Variants in ADARB2 observed in about 807,000 individuals in gnomAD.
The protein encoded by ADARB2 is inactive double-stranded RNA-specific editase B2.
In ADARB2, 25 loss-of-function variants were observed where a neutral mutation model predicts 62.2. That is an observed-to-expected ratio of 0.40 (90% CI 0.29 to 0.56). ADARB2 has a LOEUF of 0.56. Among genes scored for constraint, ADARB2 ranks in the 20% least tolerant of loss-of-function variants. The probability of loss-of-function intolerance (pLI) is 0.43; values close to 1 mark genes in which losing one functional copy is unlikely to be tolerated. For synonymous variants in ADARB2, 572 were observed against 500.8 expected (o/e 1.14, Z -1.90); for missense variants, 1,071 against 1,077.4 (o/e 0.99, Z 0.08).
chr10:1,449,761 C>T (rs180940874), intron 1 of ADARB2, among the ~76,000 whole-genome samples: 47 of 152,264 alleles, frequency 3.1e-4, no homozygotes, highest in African/African-American at 9.1e-4. Context: ...AAATATAGGC[C>T]GTATCTCCAG....
intron 4 of ADARB2, among the ~76,000 whole-genome samples, chr10:1,244,975 G>A (rs1198843711): frequency 6.6e-6 from 1 of 152,236 alleles, no homozygotes; most frequent in African/African-American, 2.4e-5. Flanking sequence ...GACGCCTTGA[G>A]TACCACCCTG....
chr10:1,330,495 A>G (rs1831918968), intron 3 of ADARB2, among the ~76,000 whole-genome samples: 2 of 152,250 alleles, frequency 1.3e-5, no homozygotes, highest in Non-Finnish European at 2.9e-5. Flanking sequence ...AACAGCATCT[A>G]CAAAACTCCC....
chr10:1,206,449 G>A (rs947039431), intron 7 of ADARB2, among the ~76,000 whole-genome samples: 2 of 148,872 alleles, frequency 1.3e-5, no homozygotes, highest in African/African-American at 4.9e-5. Flanking sequence ...CAACTGGGGC[G>A]TCTCCTCCTC....
rs191844340 is a variant in ADARB2 at position 1,504,204 on chromosome 10, C to A, written c.101-125044G>T. Among the ~76,000 whole-genome samples, 205 of 152,306 alleles carry A rather than the reference C, an allele frequency of 1.3e-3. 1 individual carries two copies. The highest frequency in any genetic ancestry group is 7.1e-4 in the Non-Finnish European group (48 of 68,012). ...TCTGCAGCTCCAACCCCCTTTAAAT[C>A]CCTCAACACGGAGCCCATCGCTTCC... On this transcript the variant is annotated intron_variant, in intron 1 of 9. Coordinates refer to ENST00000381312, the MANE Select transcript of ADARB2 (RefSeq NM_018702.4).
chr10:1,525,732 C>T (rs1048610190), intron 1 of ADARB2, among the ~76,000 whole-genome samples: 6 of 152,092 alleles, frequency 3.9e-5, no homozygotes, highest in Admixed American at 6.5e-5. Context: ...TGTGTGCATG[C>T]GTGTGCGTGC....
intron 7 of ADARB2, among the ~76,000 whole-genome samples, chr10:1,208,733 G>A (rs139004526): frequency 6.6e-6 from 1 of 152,338 alleles, no homozygotes; most frequent in Middle Eastern, 3.4e-3. Flanking sequence ...CAAGTCAGTC[G>A]TGTTTGCTGA....
rs114910704 is a variant in ADARB2 at position 1,392,352 on chromosome 10, T to G, written c.101-13192A>C. 3.4e-3 allele frequency among the ~76,000 whole-genome samples: 511 copies of G among 152,302 alleles called. 1 individual carries two copies. The highest frequency in any genetic ancestry group is 0.011 in the African/African-American group (477 of 41,560). ...CTTCAGCCTCTGTTACAAGTTTCCT[T>G]CTCATGTTTTCCTTTTGCCAAAACA... On this transcript the variant is annotated intron_variant, in intron 1 of 9. Transcript: ENST00000381312.
chr10:1,599,218 G>A (rs112456394), intron 1 of ADARB2, among the ~76,000 whole-genome samples: 2,951 of 152,284 alleles, frequency 0.019, 82 homozygotes, highest in African/African-American at 0.067. Context: ...AGTTTCAGGG[G>A]CTGAGGGGGT....
chr10:1,652,469 G>C (rs1321443434), intron 1 of ADARB2, among the ~76,000 whole-genome samples: 1 of 152,172 alleles, frequency 6.6e-6, no homozygotes, highest in Non-Finnish European at 1.5e-5. Flanking sequence ...TCACCTTTTG[G>C]ATTCTGTCCT....
chr10:1,566,096 A>T (rs1455949459), intron 1 of ADARB2, among the ~76,000 whole-genome samples: 2 of 146,912 alleles, frequency 1.4e-5, no homozygotes, highest in African/African-American at 5.2e-5. Flanking sequence ...AAAAAAAAAA[A>T]AAAAAAAAAA....
Position 1,561,342 on chromosome 10 carries a change from G to T in ADARB2, c.100+175709C>A, listed in dbSNP as rs371830671. 3.3e-5 allele frequency among the ~76,000 whole-genome samples: 5 copies of T among 152,280 alleles called. No homozygotes were observed. In the South Asian group the frequency reaches 6.2e-4, roughly 19 times the overall value. The stretch of plus-strand genomic sequence containing the variant: ...CTTCAAATGCAAGGTACAGATACAT[G>T]AATTTATTTTCATCAGTCCCAAACT... On this transcript the variant is annotated intron_variant, in intron 1 of 9. Transcript: ENST00000381312.
At chr10:1,541,989 G>T (rs1177924000) in intron 1 of ADARB2, among the ~76,000 whole-genome samples, 2 of 39,244 alleles carry the variant, frequency 5.1e-5, no homozygotes, top group East Asian at 6.2e-4. Flanking sequence ...CCACTCAGAC[G>T]TAGTTCAGAC....
intron 1 of ADARB2, among the ~76,000 whole-genome samples, chr10:1,523,915 C>T (rs1832106227): frequency 6.6e-6 from 1 of 152,166 alleles, no homozygotes; most frequent in Admixed American, 6.5e-5. Context: ...TCTAATCAAC[C>T]TGATCTGTCT....
intron 1 of ADARB2, among the ~76,000 whole-genome samples, chr10:1,443,180 G>A (rs368168808): frequency 2.9e-4 from 44 of 152,250 alleles, no homozygotes; most frequent in African/African-American, 1.0e-3. Context: ...AGGCCAAGGG[G>A]GAAAAACACC....
At chr10:1,681,189 C>T (rs1834531054) in intron 1 of ADARB2, among the ~76,000 whole-genome samples, 1 of 152,192 alleles carries the variant, frequency 6.6e-6, no homozygotes, top group South Asian at 2.1e-4. Flanking sequence ...ACCTCCAACT[C>T]TTTTTTAGCT....
Position 1,666,637 on chromosome 10 carries a change from A to T in ADARB2, c.100+70414T>A, listed in dbSNP as rs577162914. Among the ~76,000 whole-genome samples, 4 of 152,260 alleles carry T rather than the reference A, an allele frequency of 2.6e-5. No individual in the cohort carries two copies. The South Asian group carries it at 8.3e-4, about 32-fold the overall frequency. On this transcript the variant is annotated intron_variant, in intron 1 of 9. Coordinates refer to ENST00000381312, the MANE Select transcript of ADARB2 (RefSeq NM_018702.4). ...TTTTGCTAGAAACCGTCTCATCAAC[A>T]TTCAGTTTCCTAACATTGGTTCCAA...
chr10:1,229,788 G>A (rs1830785487), intron 6 of ADARB2, among the ~76,000 whole-genome samples: 1 of 49,140 alleles, frequency 2.0e-5, no homozygotes, highest in Non-Finnish European at 4.6e-5. Context: ...CTGTGTACAT[G>A]TGTTTATGTG....
intron 2 of ADARB2, among the ~76,000 whole-genome samples, chr10:1,365,589 C>T (rs921220984): frequency 6.6e-6 from 1 of 152,162 alleles, no homozygotes; most frequent in Non-Finnish European, 1.5e-5. Flanking sequence ...AGTCTTACCA[C>T]CTTCATCAGA....
chr10:1,420,633 C>T lies in ADARB2; in HGVS notation c.101-41473G>A, dbSNP rs1375892332. On this transcript the variant is annotated intron_variant, in intron 1 of 9. Coordinates refer to ENST00000381312, the MANE Select transcript of ADARB2 (RefSeq NM_018702.4). ...GAGGGAAAAAAAAAAAAAAAAAAGGCAGAGGAAAGGAAATAGCTCGGCTGA... is the reference window on the plus strand; with the variant it reads ...GAGGGAAAAAAAAAAAAAAAAAAGGTAGAGGAAAGGAAATAGCTCGGCTGA... Among the ~76,000 whole-genome samples the T allele has an allele frequency of 2.2e-5, 3 of 133,494 alleles. No individual in the cohort carries two copies. The East Asian group carries it at 6.2e-4, about 28-fold the overall frequency. The allele number at this position is 133,494 out of a possible 152,430, so 87.6% of individuals were successfully genotyped here. A position where few individuals can be genotyped will look rare whatever the true frequency, so the allele number is the denominator to read the frequency against.
Sources: gnomAD v4.1 joint callset for allele counts (sites outside exome capture counted in the v4.1 genomes callset) on GRCh38, gnomAD v4.1.1 for gene constraint, MANE v1.5 for transcripts, NCBI Gene and HGNC (gene_info 2026-07-23, HGNC 2026-07-21) for gene names.